EPB41L4B: variants seen among roughly 807,000 people sequenced by gnomAD.
EPB41L4B encodes the protein erythrocyte membrane protein band 4.1 like 4B, also known as band 4.1-like protein 4B.
In EPB41L4B, 30 loss-of-function variants were observed where a neutral mutation model predicts 112.5. The observed-to-expected ratio is 0.27, with a 90% CI of 0.20 to 0.36. The LOEUF is 0.36. Among genes scored for constraint, EPB41L4B ranks in the 10% least tolerant of loss-of-function variants. EPB41L4B has a pLI of 1.00. For missense variants in EPB41L4B, 1,024 were observed against 1,133.3 expected (o/e 0.90, Z 1.38); for synonymous variants, 408 against 439.7 (o/e 0.93, Z 0.90).
At position 109,209,227 on chromosome 9, in the gene EPB41L4B, T is replaced by C. The variant is rs1482077188; in HGVS notation, c.1753-1178A>G. ...AATATCGTTTAATAAAGAAATGAGGTAGAGTTTCCCAGGGGGACCTCCAAA... is the reference window on the plus strand; with the variant it reads ...AATATCGTTTAATAAAGAAATGAGGCAGAGTTTCCCAGGGGGACCTCCAAA... On this transcript the variant is annotated intron_variant, in intron 17 of 25. Coordinates refer to ENST00000374566, the MANE Select transcript of EPB41L4B (RefSeq NM_019114.5). Among the ~76,000 whole-genome samples, 3 of 152,000 alleles carry C rather than the reference T, an allele frequency of 2.0e-5. No individual in the cohort carries two copies. The South Asian group carries it at 6.2e-4, about 32-fold the overall frequency.
rs1030603957 is a variant in EPB41L4B at position 109,172,817 on chromosome 9, T to G, written c.*1737A>C. On this transcript the variant is annotated 3_prime_UTR_variant, in exon 26 of 26. Coordinates refer to ENST00000374566, the MANE Select transcript of EPB41L4B (RefSeq NM_019114.5). Reference sequence around the variant, plus strand: ...TCTGAATATTCACATACATTCCTCATTTTACAACAATACTAGTAAATGAGG... The same window carrying G: ...TCTGAATATTCACATACATTCCTCAGTTTACAACAATACTAGTAAATGAGG... The G allele has an allele frequency of 6.6e-6, 1 of 152,664 alleles. No homozygotes were observed. Among genetic ancestry groups the G allele is most frequent in the Non-Finnish European group, 1.5e-5 (1 of 68,042 alleles). 9.5% of individuals were successfully genotyped at this position (152,664 alleles called of 1,614,324 possible).
At chr9:109,222,740 A>G (rs1175820576) in intron 15 of EPB41L4B, among the ~76,000 whole-genome samples, 2 of 152,112 alleles carry the variant, frequency 1.3e-5, no homozygotes, top group African/African-American at 4.8e-5. Flanking sequence ...AAAGAAATCT[A>G]GTGTGGAAGA....
At chr9:109,241,432 A>C in intron 15 of EPB41L4B, 1 of 1,290,672 alleles carries the variant, frequency 7.7e-7, no homozygotes, top group Non-Finnish European at 9.8e-7. Context: ...CAGAACATCA[A>C]TATGATTCCT....
chr9:109,217,953 C>T (rs182198640), intron 15 of EPB41L4B, among the ~76,000 whole-genome samples: 171 of 151,782 alleles, frequency 1.1e-3, no homozygotes, highest in African/African-American at 4.0e-3. Context: ...ATTTGAAGGC[C>T]GTGTCATCTC....
At chr9:109,312,779 C>G (rs1588240555) in intron 1 of EPB41L4B, among the ~76,000 whole-genome samples, 1 of 152,206 alleles carries the variant, frequency 6.6e-6, no homozygotes, top group Non-Finnish European at 1.5e-5. Context: ...TCCAGGCATA[C>G]AGCCAGAACT....
At chr9:109,250,027 G>C (rs903857483) in intron 13 of EPB41L4B, among the ~76,000 whole-genome samples, 1 of 152,180 alleles carries the variant, frequency 6.6e-6, no homozygotes, top group African/African-American at 2.4e-5. Flanking sequence ...GGTGGGAGGA[G>C]TGGCAGAAGA....
chr9:109,258,070 T>G, intron 7 of EPB41L4B, 107 bp downstream of exon 7: 1 of 1,267,042 alleles, frequency 7.9e-7, no homozygotes, highest in Non-Finnish European at 1.1e-6. Context: ...CGCTGCAGTT[T>G]TATGGCCATC....
At chr9:109,289,852 A>G (rs1836459658) in intron 1 of EPB41L4B, among the ~76,000 whole-genome samples, 1 of 152,240 alleles carries the variant, frequency 6.6e-6, no homozygotes, top group Non-Finnish European at 1.5e-5. Context: ...CATTTGTTCC[A>G]ACTAAATTGC....
At chr9:109,294,157 T>C (rs897217082) in intron 1 of EPB41L4B, among the ~76,000 whole-genome samples, 4 of 151,488 alleles carry the variant, frequency 2.6e-5, no homozygotes, top group Non-Finnish European at 5.9e-5. Flanking sequence ...TACAAAAAAA[T>C]TAGCAGGCGT....
chr9:109,250,515 A>G (rs1260277091), intron 13 of EPB41L4B, among the ~76,000 whole-genome samples: 1 of 152,172 alleles, frequency 6.6e-6, no homozygotes, highest in Non-Finnish European at 1.5e-5. Flanking sequence ...CAAAGGTCCA[A>G]ACAATGCAAG....
chr9:109,216,979 G>A lies in EPB41L4B; in HGVS notation c.1576C>T (p.Leu526=), dbSNP rs369259061. 1.2e-6 allele frequency: 2 copies of A among 1,614,212 alleles called. No individual in the cohort carries two copies. The highest frequency in any genetic ancestry group is 8.5e-7 in the Non-Finnish European group (1 of 1,180,040). The part of the protein sequence containing the change: ...HHSNYSLSLT[L]ENKEGPLRSP... ...CTCAGAGGCCCCTCTTTGTTCTCCA[G>A]GGTCAGTGAGAGGCTGTAGTTTGAG... Residue 526 remains leucine (L), a synonymous_variant, in exon 16 of 26, where the codon CTG becomes TTG. Transcript: ENST00000374566.
chr9:109,221,572 G>A (rs141262907), intron 15 of EPB41L4B, among the ~76,000 whole-genome samples: 3 of 152,262 alleles, frequency 2.0e-5, no homozygotes, highest in African/African-American at 7.2e-5. Context: ...GGAAAAGATA[G>A]GGATACTAGC....
chr9:109,222,131 T>G (rs1361616413), intron 15 of EPB41L4B, among the ~76,000 whole-genome samples: 1 of 151,668 alleles, frequency 6.6e-6, no homozygotes, highest in African/African-American at 2.4e-5. Context: ...ATGCAGGGAG[T>G]GAGAAAGTGC....
rs1343646813 is a variant in EPB41L4B, at chr9:109,200,272, G to A, written c.2009C>T (p.Pro670Leu). 1.2e-6 allele frequency: 2 copies of A among 1,613,978 alleles called. No individual in the cohort carries two copies. The highest frequency in any genetic ancestry group is 3.3e-5 in the Admixed American group (2 of 59,996). ...TCTTGTTAACTTCCTCACTCGGGGA[G>A]GCTTGATTTCCGGCTTTTCCACAGC... ...QPAVEKPEIKPPRVRKLTRQY... is the reference protein window; with the variant it reads ...QPAVEKPEIKLPRVRKLTRQY... The change falls in exon 20 of 26, where the codon CCT (proline) becomes CTT (leucine). Residue 670 changes from proline (P) to leucine (L), a missense_variant. Coordinates refer to ENST00000374566, the MANE Select transcript of EPB41L4B (RefSeq NM_019114.5).
At chr9:109,214,348 A>C (rs560349218) in intron 16 of EPB41L4B, among the ~76,000 whole-genome samples, 1 of 152,348 alleles carries the variant, frequency 6.6e-6, no homozygotes, top group African/African-American at 2.4e-5. Flanking sequence ...ATATTCATTA[A>C]ATATTAAATA....
intron 9 of EPB41L4B, 76 bp downstream of exon 9, chr9:109,256,060 C>T (rs936662050): frequency 6.6e-6 from 9 of 1,363,288 alleles, no homozygotes; most frequent in African/African-American, 4.3e-5. Context: ...AGATACCCCT[C>T]AATAATCATC....
intron 11 of EPB41L4B, among the ~76,000 whole-genome samples, chr9:109,254,723 A>G (rs1164177364): frequency 3.3e-5 from 5 of 152,202 alleles, no homozygotes; most frequent in African/African-American, 1.2e-4. Context: ...ACAAACACCA[A>G]GAAAGTTTTC....
At chr9:109,312,670 C>A (rs77641488) in intron 1 of EPB41L4B, among the ~76,000 whole-genome samples, 5,838 of 152,320 alleles carry the variant, frequency 0.038, 167 homozygotes, top group Non-Finnish European at 0.063. Context: ...CAGTAACCAT[C>A]AACACAGTTT....
At chr9:109,247,715 T>A in intron 14 of EPB41L4B, 41 bp downstream of exon 14, 1 of 1,323,678 alleles carries the variant, frequency 7.6e-7, no homozygotes, top group Middle Eastern at 2.5e-4. Flanking sequence ...ATTTTTAAAA[T>A]TTTCCTTCTT....
Sources: gnomAD v4.1 joint callset for allele counts (sites outside exome capture counted in the v4.1 genomes callset) on GRCh38, gnomAD v4.1.1 for gene constraint, MANE v1.5 for transcripts, NCBI Gene and HGNC (gene_info 2026-07-23, HGNC 2026-07-21) for gene names.